TM4SF18: variants seen among roughly 807,000 people sequenced by gnomAD.
TM4SF18 encodes the protein transmembrane 4 L6 family member 18.
A neutral mutation model predicts 23.8 loss-of-function variants in TM4SF18; 22 were observed. The observed-to-expected ratio is 0.92, with a 90% CI of 0.66 to 1.32. TM4SF18 has a LOEUF of 1.32. TM4SF18 is among the 40% of genes most tolerant of loss of function. The pLI is 0.00. For missense variants in TM4SF18, 255 were observed against 240.3 expected (o/e 1.06, Z -0.41); for synonymous variants, 87 against 87.9 (o/e 0.99, Z 0.06).
At chr3:149,323,108 C>T (rs982144941) in intron 4 of TM4SF18, among the ~76,000 whole-genome samples, 2 of 152,018 alleles carry the variant, frequency 1.3e-5, no homozygotes, top group African/African-American at 2.4e-5. Context: ...CCGTGTGAGC[C>T]AGGATGGTCT....
chr3:149,324,802 A>G (rs1001622883), intron 4 of TM4SF18, 78 bp downstream of exon 4: 1 of 1,580,498 alleles, frequency 6.3e-7, no homozygotes, highest in Non-Finnish European at 8.6e-7. Context: ...GTGATCATGG[A>G]AAATGAGCGT....
intron 3 of TM4SF18, among the ~76,000 whole-genome samples, chr3:149,328,341 C>T (rs1576833405): frequency 6.6e-6 from 1 of 152,238 alleles, no homozygotes; most frequent in Non-Finnish European, 1.5e-5. Flanking sequence ...ATAAGGGCAC[C>T]ACTCTCATTC....
intron 4 of TM4SF18, among the ~76,000 whole-genome samples, chr3:149,324,025 C>G (rs778611053): frequency 2.0e-5 from 3 of 152,164 alleles, no homozygotes; most frequent in Non-Finnish European, 4.4e-5. Flanking sequence ...GGACATGGGC[C>G]TTGAACAATA....
chr3:149,330,314 A>G lies in TM4SF18; in HGVS notation c.267+16T>C, dbSNP rs897886228. 1 of 1,591,730 alleles carries G rather than the reference A, an allele frequency of 6.3e-7. No homozygotes were observed. Among genetic ancestry groups the G allele is most frequent in the South Asian group, 1.1e-5 (1 of 88,906 alleles). On this transcript the variant is annotated intron_variant, in intron 3 of 5. Transcript: ENST00000296059. Reference sequence around the variant, plus strand: ...GGAGCCCACTCAACCATCCTCAAAAAAACTGTTGCTCTTACCACATATTTT... The same window carrying G: ...GGAGCCCACTCAACCATCCTCAAAAGAACTGTTGCTCTTACCACATATTTT...
chr3:149,325,720 G>C (rs529119238), intron 3 of TM4SF18, among the ~76,000 whole-genome samples: 1 of 152,188 alleles, frequency 6.6e-6, no homozygotes, highest in Non-Finnish European at 1.5e-5. Flanking sequence ...CCCTTGAGTA[G>C]CTTAAAAAGT....
At position 149,326,475 on chromosome 3, in the gene TM4SF18, A is replaced by G. The variant is rs150344800; in HGVS notation, c.268-1453T>C. Among the ~76,000 whole-genome samples the G allele has an allele frequency of 1.4e-4, 21 of 152,294 alleles. No individual in the cohort carries two copies. In the East Asian group the frequency reaches 4.0e-3, roughly 29 times the overall value. ...ACATTTTCCTCTTGGCAATTAGTAA[A>G]TAACTGCCAAGGTGATGCTTTGAGA... On this transcript the variant is annotated intron_variant, in intron 3 of 5. Coordinates refer to ENST00000296059, the MANE Select transcript of TM4SF18 (RefSeq NM_138786.4).
chr3:149,328,940 A>T (rs916571892), intron 3 of TM4SF18, among the ~76,000 whole-genome samples: 5 of 152,200 alleles, frequency 3.3e-5, no homozygotes, highest in Admixed American at 3.3e-4. Flanking sequence ...TATTTCTAGC[A>T]TCTATTTGTG....
chr3:149,322,251 G>C lies in TM4SF18; in HGVS notation c.591+5C>G. On this transcript the variant is annotated splice_donor_5th_base_variant and intron_variant, in intron 5 of 5. Coordinates refer to ENST00000296059, the MANE Select transcript of TM4SF18 (RefSeq NM_138786.4). ...GAGCTACAGGTGCCCATGAGAATCTGTTACCTGGAAGATCACTGAATAGCT... is the reference window on the plus strand; with the variant it reads ...GAGCTACAGGTGCCCATGAGAATCTCTTACCTGGAAGATCACTGAATAGCT... 6.2e-7 allele frequency: 1 copy of C among 1,608,298 alleles called. No individual in the cohort carries two copies. The highest frequency in any genetic ancestry group is 1.1e-5 in the South Asian group (1 of 90,050).
intron 4 of TM4SF18, among the ~76,000 whole-genome samples, 196 bp from the exon 5 acceptor site, chr3:149,322,632 A>C (rs1233595383): frequency 6.6e-6 from 1 of 152,214 alleles, no homozygotes; most frequent in Non-Finnish European, 1.5e-5. Context: ...AGTGTGTTAT[A>C]AATGTTGTGC....
intron 3 of TM4SF18, among the ~76,000 whole-genome samples, chr3:149,325,476 AGTATT>A (rs1559990829): frequency 1.3e-5 from 2 of 152,216 alleles, no homozygotes; most frequent in Non-Finnish European, 1.5e-5. Flanking sequence ...TGTCAGGTAT[AGTATT>A]GAAATTTATA....
intron 3 of TM4SF18, among the ~76,000 whole-genome samples, chr3:149,326,626 T>C (rs367663139): frequency 2.7e-4 from 41 of 152,332 alleles, no homozygotes; most frequent in African/African-American, 9.9e-4. Flanking sequence ...AATGCTATAA[T>C]TTATCTGCAT....
chr3:149,333,143 G>A, intron 2 of TM4SF18, 63 bp downstream of exon 2: 1 of 1,420,902 alleles, frequency 7.0e-7, no homozygotes, highest in African/African-American at 1.4e-5. Context: ...ACTTCTACTA[G>A]TTACAAGGTA....
Position 149,321,401 on chromosome 3 carries a change from G to A in TM4SF18, c.*77C>T. On this transcript the variant is annotated 3_prime_UTR_variant, in exon 6 of 6. Coordinates refer to ENST00000296059, the MANE Select transcript of TM4SF18 (RefSeq NM_138786.4). ...CAGAAAGCACCATCATTTCAATATT[G>A]CCCTCAAGTCTACACAGTTGATATA... The A allele has an allele frequency of 9.0e-7, 1 of 1,113,356 alleles. No individual in the cohort carries two copies. The highest frequency in any genetic ancestry group is 1.3e-6 in the Non-Finnish European group (1 of 792,784). The allele number at this position is 1,113,356 out of a possible 1,614,324, so 69.0% of individuals were successfully genotyped here. A position where few individuals can be genotyped will look rare whatever the true frequency, so the allele number is the denominator to read the frequency against.
At position 149,324,973 on chromosome 3, in the gene TM4SF18, T is replaced by C; in HGVS notation, c.317A>G (p.Tyr106Cys). 8.7e-6 allele frequency: 14 copies of C among 1,614,124 alleles called. No individual in the cohort carries two copies. The highest frequency in any genetic ancestry group is 1.2e-5 in the Non-Finnish European group (14 of 1,180,014). The change falls in exon 4 of 6, where the codon TAC (tyrosine) becomes TGC (cysteine). Residue 106 changes from tyrosine (Y) to cysteine (C), a missense_variant. Transcript: ENST00000296059. ...ACCCAAGGCAGAGATGACCAGGCAGTATCCAGAAAAAGCAATTCCGAGGGA... is the reference window on the plus strand; with the variant it reads ...ACCCAAGGCAGAGATGACCAGGCAGCATCCAGAAAAAGCAATTCCGAGGGA... Reference protein sequence around the residue: ...FSSLGIAFSGYCLVISALGLV... With the variant: ...FSSLGIAFSGCCLVISALGLV...
At chr3:149,332,175 C>T (rs1367552419) in intron 2 of TM4SF18, among the ~76,000 whole-genome samples, 1 of 149,846 alleles carries the variant, frequency 6.7e-6, no homozygotes, top group Non-Finnish European at 1.5e-5. Context: ...TATTTCATAG[C>T]AACATCAATA....
At position 149,333,190 on chromosome 3, in the gene TM4SF18, C is replaced by T. The variant is rs776767862; in HGVS notation, c.177+16G>A. 4.4e-6 allele frequency: 7 copies of T among 1,601,810 alleles called. No individual in the cohort carries two copies. The highest frequency in any genetic ancestry group is 2.7e-5 in the African/African-American group (2 of 74,674). On this transcript the variant is annotated intron_variant, in intron 2 of 5. Coordinates refer to ENST00000296059, the MANE Select transcript of TM4SF18 (RefSeq NM_138786.4). The stretch of plus-strand genomic sequence containing the variant: ...CAACTCCCCCTTCTCTCCCAAGTCT[C>T]CAAATTCATACTTACCATGATGCCT...
intron 4 of TM4SF18, among the ~76,000 whole-genome samples, chr3:149,323,564 T>C (rs1730863529): frequency 6.6e-6 from 1 of 152,246 alleles, no homozygotes; most frequent in Non-Finnish European, 1.5e-5. Flanking sequence ...TGGACATTTA[T>C]CAGTTCCCAA....
intron 3 of TM4SF18, among the ~76,000 whole-genome samples, chr3:149,326,456 T>G (rs899084398): frequency 1.3e-5 from 2 of 152,202 alleles, no homozygotes; most frequent in Non-Finnish European, 1.5e-5. Flanking sequence ...AGGTACATTT[T>G]CCTCTTGGCA....
rs1339846435 is a variant in TM4SF18 at position 149,319,194 on chromosome 3, T to C, written c.*2284A>G. The C allele has an allele frequency of 6.6e-6, 1 of 152,192 alleles. No individual in the cohort carries two copies. Among genetic ancestry groups the C allele is most frequent in the Admixed American group, 6.5e-5 (1 of 15,274 alleles). The allele number at this position is 152,192 out of a possible 1,614,324, so 9.4% of individuals were successfully genotyped here. A position where few individuals can be genotyped will look rare whatever the true frequency, so the allele number is the denominator to read the frequency against. ...AAGAGATAGACAGTCTGAAAGTATA[T>C]AACAAACTGATGAAGTGGACCTTCC... On this transcript the variant is annotated 3_prime_UTR_variant, in exon 6 of 6. Coordinates refer to ENST00000296059, the MANE Select transcript of TM4SF18 (RefSeq NM_138786.4).
Sources: allele counts gnomAD v4.1 joint callset (sites outside exome capture counted in the v4.1 genomes callset), GRCh38; gene constraint gnomAD v4.1.1; transcripts MANE v1.5; gene names NCBI Gene and HGNC (gene_info 2026-07-23, HGNC 2026-07-21).